The following PDLIM5 variants were observed in gnomAD, a reference collection of about 807,000 sequenced individuals.
PDLIM5 encodes PDZ and LIM domain protein 5.
A neutral mutation model predicts 64.2 loss-of-function variants in PDLIM5; 34 were observed. The ratio of observed to expected loss-of-function variants is 0.53; its 90% CI spans 0.40 to 0.71. The LOEUF is 0.71. Among genes scored for constraint, PDLIM5 ranks in the 30% least tolerant of loss-of-function variants. PDLIM5 has a pLI of 0.00. For synonymous variants in PDLIM5, 253 were observed against 269.1 expected (o/e 0.94, Z 0.59); for missense variants, 683 against 733.6 (o/e 0.93, Z 0.80).
At chr4:94,542,331 TAAAG>T (rs1303270694) in intron 3 of PDLIM5, among the ~76,000 whole-genome samples, 4 of 151,102 alleles carry the variant, frequency 2.6e-5, no homozygotes, top group African/African-American at 7.3e-5. Flanking sequence ...AATAAATAAA[TAAAG>T]TAAGTAAGTA....
At chr4:94,525,408 A>G (rs1356692511) in intron 3 of PDLIM5, among the ~76,000 whole-genome samples, 2 of 151,494 alleles carry the variant, frequency 1.3e-5, no homozygotes, top group Admixed American at 1.3e-4. Context: ...ACGGAGCGAC[A>G]CTCTGTCGCC....
intron 3 of PDLIM5, among the ~76,000 whole-genome samples, chr4:94,566,153 A>AGGCTTCTGGACCACTTGGGTTCTAATCC (rs1285904275): frequency 6.6e-6 from 1 of 152,202 alleles, no homozygotes; most frequent in Non-Finnish European, 1.5e-5. Context: ...GGCTGCATAT[A>AGGCTTCTGGACCACTTGGGTTCTAATCC]GGCTTCTGGA....
chr4:94,633,245 C>A (rs148572619), intron 8 of PDLIM5, among the ~76,000 whole-genome samples: 1 of 152,074 alleles, frequency 6.6e-6, no homozygotes, highest in South Asian at 2.1e-4. Flanking sequence ...ATTAACAAAG[C>A]TTGATTTTTC....
intron 8 of PDLIM5, among the ~76,000 whole-genome samples, chr4:94,636,653 C>G (rs1334593223): frequency 6.6e-6 from 1 of 151,648 alleles, no homozygotes; most frequent in Non-Finnish European, 1.5e-5. Context: ...ATTCTCCTGC[C>G]GCAGCCTCCC....
chr4:94,582,550 G>GA (rs1735817389), intron 5 of PDLIM5: 18 of 542,200 alleles, frequency 3.3e-5, no homozygotes, highest in Non-Finnish European at 4.6e-5. Context: ...TTTGAAGCAT[G>GA]ATGTTTGTGT....
At position 94,640,395 on chromosome 4, in the gene PDLIM5, C is replaced by A. The variant is rs369761799; in HGVS notation, c.1228C>A (p.His410Asn). 6.2e-7 allele frequency: 1 copy of A among 1,612,058 alleles called. No individual in the cohort carries two copies. The highest frequency in any genetic ancestry group is 1.3e-5 in the African/African-American group (1 of 74,754). The change falls in exon 9 of 13, where the codon CAC becomes AAC. Residue 410 changes from histidine (H) to asparagine (N), a missense_variant. By Grantham distance (68) the His-to-Asn change is moderately conservative (BLOSUM62 1). Transcript: ENST00000317968. ...GGACACTTTAGTGCAAAGAGCTGAG[C>A]ACATTCCAGCAGGGAAACGAACTCC... ...DQDTLVQRAE[H>N]IPAGKRTPMC...
intron 2 of PDLIM5, among the ~76,000 whole-genome samples, chr4:94,472,081 C>A (rs1171701382): frequency 3.9e-5 from 6 of 152,076 alleles, no homozygotes; most frequent in Non-Finnish European, 8.8e-5. Flanking sequence ...ATATCATCTT[C>A]AAAATTCAAT....
At chr4:94,502,968 T>C (rs1271694027) in intron 2 of PDLIM5, among the ~76,000 whole-genome samples, 1 of 152,220 alleles carries the variant, frequency 6.6e-6, no homozygotes, top group Non-Finnish European at 1.5e-5. Context: ...TTGCCACTGC[T>C]GTAGGTACTA....
At chr4:94,550,655 A>G (rs1030561698) in intron 3 of PDLIM5, among the ~76,000 whole-genome samples, 1 of 152,132 alleles carries the variant, frequency 6.6e-6, no homozygotes, top group Non-Finnish European at 1.5e-5. Context: ...TCATTTTGGA[A>G]CTCTAAAAGT....
chr4:94,492,798 C>CTTTT (rs993521777), intron 2 of PDLIM5, among the ~76,000 whole-genome samples: 4 of 152,084 alleles, frequency 2.6e-5, no homozygotes, highest in African/African-American at 7.2e-5. Context: ...GTAGTTTCCA[C>CTTTT]TTTTTTGCTA....
At position 94,499,159 on chromosome 4, in the gene PDLIM5, A is replaced by G. The variant is rs367902545; in HGVS notation, c.97-24565A>G. 5.9e-4 allele frequency among the ~76,000 whole-genome samples: 90 copies of G among 152,314 alleles called. 1 individual carries two copies. The highest frequency in any genetic ancestry group is 4.6e-3 in the South Asian group (22 of 4,832). ...TAATAGATATTTCTGGAAAAAGCGA[A>G]GCCTTCTCTGAAAAATAAAGTCTTT... On this transcript the variant is annotated intron_variant, in intron 2 of 12. Transcript: ENST00000317968.
At chr4:94,631,508 T>G (rs1473086656) in intron 8 of PDLIM5, among the ~76,000 whole-genome samples, 1 of 152,144 alleles carries the variant, frequency 6.6e-6, no homozygotes, top group African/African-American at 2.4e-5. Flanking sequence ...GTAAGGAAAT[T>G]AAAATAGCAG....
intron 3 of PDLIM5, among the ~76,000 whole-genome samples, 181 bp downstream of exon 3, chr4:94,524,056 G>A (rs1413783991): frequency 6.6e-6 from 1 of 152,096 alleles, no homozygotes; most frequent in East Asian, 1.9e-4. Flanking sequence ...AAAGCTATGA[G>A]TTATTTCCCC....
chr4:94,659,482 A>ATG (rs1742481696), intron 11 of PDLIM5, among the ~76,000 whole-genome samples: 1 of 133,744 alleles, frequency 7.5e-6, no homozygotes, highest in Non-Finnish European at 1.6e-5. Context: ...CAGCTGTAGT[A>ATG]TATATGTGTG....
intron 2 of PDLIM5, among the ~76,000 whole-genome samples, chr4:94,486,838 C>CA (rs1210168451): frequency 6.6e-6 from 1 of 151,946 alleles, no homozygotes; most frequent in Non-Finnish European, 1.5e-5. Flanking sequence ...CCTGTCTCTA[C>CA]AAAAAAGTTA....
At chr4:94,657,923 C>T (rs1353243587) in intron 11 of PDLIM5, among the ~76,000 whole-genome samples, 1 of 152,112 alleles carries the variant, frequency 6.6e-6, no homozygotes. Flanking sequence ...CCCGGCTGGT[C>T]TCGAACTCCC....
intron 3 of PDLIM5, among the ~76,000 whole-genome samples, chr4:94,546,829 A>G (rs1345509922): frequency 8.2e-6 from 1 of 122,530 alleles, no homozygotes; most frequent in Non-Finnish European, 1.9e-5. Flanking sequence ...TTCTGACATT[A>G]GGCCCCCCCC....
chr4:94,510,415 A>C (rs1039523047), intron 2 of PDLIM5, among the ~76,000 whole-genome samples: 1 of 151,932 alleles, frequency 6.6e-6, no homozygotes, highest in East Asian at 1.9e-4. Flanking sequence ...GTCTGTCTTC[A>C]TGTGTTTGGA....
intron 7 of PDLIM5, among the ~76,000 whole-genome samples, chr4:94,586,813 A>G (rs1448722633): frequency 1.3e-5 from 2 of 152,258 alleles, no homozygotes; most frequent in Admixed American, 6.5e-5. Flanking sequence ...TAATTGCTAT[A>G]TTTCTAAAAA....
Sources: allele counts gnomAD v4.1 joint callset (sites outside exome capture counted in the v4.1 genomes callset), GRCh38; gene constraint gnomAD v4.1.1; transcripts MANE v1.5; gene names NCBI Gene and HGNC (gene_info 2026-07-23, HGNC 2026-07-21).